The following MAGI2 variants were observed in gnomAD, a reference collection of about 807,000 sequenced individuals.
The protein encoded by MAGI2 is membrane associated guanylate kinase, WW and PDZ domain containing 2.
Under a neutral mutation model 133.3 loss-of-function variants are expected in MAGI2, and 35 were observed. The observed-to-expected ratio is 0.26, with a 90% confidence interval of 0.20 to 0.35. The LOEUF is 0.35. Among genes scored for constraint, MAGI2 ranks in the 10% least tolerant of loss-of-function variants. The pLI, the probability that MAGI2 is intolerant of heterozygous loss-of-function variation, is 1.00. For synonymous variants in MAGI2, 729 were observed against 710.6 expected (o/e 1.03, Z -0.41); for missense variants, 1,636 against 1,863.4 (o/e 0.88, Z 2.25).
At chr7:78,982,669 T>C (rs1804892665) in intron 2 of MAGI2, among the ~76,000 whole-genome samples, 1 of 151,858 alleles carries the variant, frequency 6.6e-6, no homozygotes. Flanking sequence ...AAATCCCCTC[T>C]AACCATAATA....
chr7:79,432,695 T>C (rs1847856340), intron 1 of MAGI2, among the ~76,000 whole-genome samples: 1 of 152,202 alleles, frequency 6.6e-6, no homozygotes, highest in African/African-American at 2.4e-5. Flanking sequence ...GGAGGTATAA[T>C]GCAGTGGGAA....
intron 2 of MAGI2, among the ~76,000 whole-genome samples, chr7:78,938,003 G>T (rs1185268330): frequency 6.6e-6 from 1 of 152,042 alleles, no homozygotes; most frequent in African/African-American, 2.4e-5. Flanking sequence ...ATAAAAAGAT[G>T]AATATTTCAT....
chr7:78,930,612 A>C (rs147681360), intron 2 of MAGI2, among the ~76,000 whole-genome samples: 232 of 152,228 alleles, frequency 1.5e-3, no homozygotes, highest in Middle Eastern at 6.8e-3. Flanking sequence ...GAGTACTTTA[A>C]AGATCTTATC....
At chr7:78,672,410 A>T (rs1372541300) in intron 2 of MAGI2, among the ~76,000 whole-genome samples, 1 of 152,190 alleles carries the variant, frequency 6.6e-6, no homozygotes, top group East Asian at 1.9e-4. Flanking sequence ...CAGAGCCATG[A>T]GCCAAAAATA....
intron 3 of MAGI2, among the ~76,000 whole-genome samples, chr7:78,587,781 G>A (rs1256975312): frequency 6.6e-6 from 1 of 152,018 alleles, no homozygotes; most frequent in Non-Finnish European, 1.5e-5. Flanking sequence ...ATAAGAATAT[G>A]GTAAATTCAA....
At chr7:79,319,849 G>C (rs1839034100) in intron 1 of MAGI2, among the ~76,000 whole-genome samples, 2 of 152,120 alleles carry the variant, frequency 1.3e-5, no homozygotes, top group South Asian at 4.1e-4. Flanking sequence ...AGATAGACAT[G>C]ATTGACCCAC....
intron 1 of MAGI2, among the ~76,000 whole-genome samples, chr7:79,315,962 A>C (rs1045277054): frequency 6.6e-4 from 100 of 152,266 alleles, no homozygotes; most frequent in African/African-American, 2.3e-3. Context: ...AGAAGCTACT[A>C]AATAGTTACA....
intron 6 of MAGI2, among the ~76,000 whole-genome samples, chr7:78,381,935 C>T (rs1794958410): frequency 6.6e-6 from 1 of 152,158 alleles, no homozygotes; most frequent in Non-Finnish European, 1.5e-5. Context: ...AAAATCTCTC[C>T]TCTGAGAAAT....
At chr7:79,033,794 G>A (rs10254557) in intron 1 of MAGI2, among the ~76,000 whole-genome samples, 17,920 of 152,038 alleles carry the variant, frequency 0.12, 1,497 homozygotes, top group African/African-American at 0.24. Context: ...TGGTACATAA[G>A]GTTCAATCCA....
intron 2 of MAGI2, among the ~76,000 whole-genome samples, chr7:78,989,180 CCTG>C (rs1805530634): frequency 6.6e-6 from 1 of 151,988 alleles, no homozygotes; most frequent in Admixed American, 6.6e-5. Context: ...CAGTAGCTGT[CCTG>C]CTGCTACTCT....
chr7:79,422,360 T>C (rs1033074961), intron 1 of MAGI2, among the ~76,000 whole-genome samples: 1 of 152,014 alleles, frequency 6.6e-6, no homozygotes, highest in African/African-American at 2.4e-5. Context: ...TCATGAGATA[T>C]TATTTGAATT....
At chr7:78,289,168 G>C (rs1463649334) in intron 9 of MAGI2, among the ~76,000 whole-genome samples, 2 of 152,146 alleles carry the variant, frequency 1.3e-5, no homozygotes, top group Non-Finnish European at 2.9e-5. Flanking sequence ...CCAAGCTAAA[G>C]GAGGATGTTC....
At chr7:78,368,767 C>G (rs1226963779) in intron 7 of MAGI2, among the ~76,000 whole-genome samples, 2 of 152,080 alleles carry the variant, frequency 1.3e-5, no homozygotes, top group Non-Finnish European at 2.9e-5. Flanking sequence ...TATTTTTCAA[C>G]TAAAAAATAT....
chr7:78,482,696 C>A (rs1255003707), intron 6 of MAGI2, among the ~76,000 whole-genome samples: 1 of 151,716 alleles, frequency 6.6e-6, no homozygotes, highest in South Asian at 2.1e-4. Flanking sequence ...ATTTTTGCAA[C>A]AAAGTTACTG....
chr7:79,006,023 A>C (rs1807403146), intron 2 of MAGI2, among the ~76,000 whole-genome samples: 1 of 152,030 alleles, frequency 6.6e-6, no homozygotes, highest in Admixed American at 6.6e-5. Flanking sequence ...GCAAAAGTCC[A>C]CCTCTCCTAA....
In MAGI2 at chr7:78,160,246, C is replaced by A. The variant is rs1824842545; in HGVS notation, c.2624G>T (p.Ser875Ile). The change falls in exon 16 of 22, where the codon AGT becomes ATT. Residue 875 changes from serine to isoleucine, a missense_variant. Physicochemically the swap from Ser to Ile is moderately radical, Grantham distance 142. Around this residue, in one of 5 missense-constraint regions of MAGI2, gnomAD observed 920 missense variants for 1,093.5 expected, o/e 0.84. Transcript: ENST00000354212. The stretch of plus-strand genomic sequence containing the variant: ...GTGGTGGGTGGATACAGAGCCTGGA[C>A]TTCTCCCGTTCTCTGGGCAGGGCTC... ...GGEPCPENGR[S>I]PGSVSTHHSS... 1 of 1,602,070 alleles carries A rather than the reference C, an allele frequency of 6.2e-7. No homozygotes were observed. The highest frequency in any genetic ancestry group is 1.3e-5 in the African/African-American group (1 of 74,768).
intron 1 of MAGI2, among the ~76,000 whole-genome samples, chr7:79,040,449 C>T (rs1811550989): frequency 1.3e-5 from 2 of 152,226 alleles, no homozygotes; most frequent in South Asian, 4.1e-4. Context: ...GGGTGGTTAT[C>T]AGAGGCTGGG....
At chr7:78,575,253 A>C (rs907035344) in intron 3 of MAGI2, among the ~76,000 whole-genome samples, 1 of 152,172 alleles carries the variant, frequency 6.6e-6, no homozygotes. Context: ...AAAAAATAAT[A>C]AAGTATTGGA....
intron 1 of MAGI2, among the ~76,000 whole-genome samples, chr7:79,066,183 T>C (rs1180645419): frequency 6.6e-6 from 1 of 152,124 alleles, no homozygotes; most frequent in Admixed American, 6.5e-5. Flanking sequence ...ACCAACAGTG[T>C]AAATGCATTC....
Sources: allele counts gnomAD v4.1 joint callset (sites outside exome capture counted in the v4.1 genomes callset), GRCh38; gene constraint gnomAD v4.1.1; regional missense constraint gnomAD v4.1.1; transcripts MANE v1.5; gene names NCBI Gene and HGNC (gene_info 2026-07-23, HGNC 2026-07-21).